Variants in PDE8A observed in about 807,000 individuals in gnomAD.
PDE8A encodes high affinity cAMP-specific and IBMX-insensitive 3',5'-cyclic phosphodiesterase 8A.
Under a neutral mutation model 105.0 loss-of-function variants are expected in PDE8A, and 59 were observed. That is an observed-to-expected ratio of 0.56 (90% CI 0.46 to 0.70). The LOEUF is 0.70. PDE8A is among the 30% of genes least tolerant of loss of function. The pLI is 0.00. For synonymous variants in PDE8A, 355 were observed against 371.9 expected (o/e 0.95, Z 0.52); for missense variants, 1,014 against 1,045.9 (o/e 0.97, Z 0.42).
At chr15:85,028,396 G>T (rs984257114) in intron 1 of PDE8A, among the ~76,000 whole-genome samples, 2 of 151,922 alleles carry the variant, frequency 1.3e-5, no homozygotes, top group Non-Finnish European at 2.9e-5. Context: ...TTTATTTTTT[G>T]TAGAGACAAG....
intron 2 of PDE8A, among the ~76,000 whole-genome samples, chr15:85,064,946 T>C (rs1386960672): frequency 1.3e-5 from 2 of 152,058 alleles, no homozygotes; most frequent in African/African-American, 2.4e-5. Flanking sequence ...CACTGCAGCC[T>C]GGGCAACAGA....
At chr15:85,061,255 A>C (rs1349114561) in intron 1 of PDE8A, among the ~76,000 whole-genome samples, 1 of 151,064 alleles carries the variant, frequency 6.6e-6, no homozygotes, top group Non-Finnish European at 1.5e-5. Context: ...TTTTTTTGAG[A>C]TGGCATCTTG....
At chr15:85,053,387 A>G (rs575405355) in intron 1 of PDE8A, among the ~76,000 whole-genome samples, 2 of 152,204 alleles carry the variant, frequency 1.3e-5, no homozygotes, top group Non-Finnish European at 2.9e-5. Context: ...TGGAGATGGC[A>G]TTTAATCTAT....
At chr15:85,009,403 A>G (rs977909098) in intron 1 of PDE8A, among the ~76,000 whole-genome samples, 5 of 152,234 alleles carry the variant, frequency 3.3e-5, no homozygotes, top group Non-Finnish European at 7.3e-5. Flanking sequence ...ATTGTTTTCT[A>G]TGACCTAGAA....
At chr15:85,083,458 A>G (rs1371525727) in intron 5 of PDE8A, 98 bp from the exon 6 acceptor site, 3 of 690,470 alleles carry the variant, frequency 4.3e-6, no homozygotes, top group Non-Finnish European at 5.2e-6. Flanking sequence ...TTTAGATTTC[A>G]GTTGCCAAGT....
chr15:84,999,615 G>A (rs2080035699), intron 1 of PDE8A, among the ~76,000 whole-genome samples: 1 of 149,958 alleles, frequency 6.7e-6, no homozygotes, highest in South Asian at 2.1e-4. Context: ...TCGCTCTGTC[G>A]CCAGGCTGGA....
intron 1 of PDE8A, among the ~76,000 whole-genome samples, chr15:85,053,197 A>G (rs999402837): frequency 6.6e-6 from 1 of 152,198 alleles, no homozygotes; most frequent in South Asian, 2.1e-4. Context: ...TTTTGGTACC[A>G]GTACCATGCT....
intron 1 of PDE8A, among the ~76,000 whole-genome samples, chr15:84,986,722 C>T (rs927146632): frequency 1.3e-5 from 2 of 152,056 alleles, no homozygotes; most frequent in African/African-American, 4.8e-5. Flanking sequence ...AGTGATCCCC[C>T]CACCTCAGCC....
At chr15:85,032,204 C>G (rs776527556) in intron 1 of PDE8A, among the ~76,000 whole-genome samples, 12 of 152,186 alleles carry the variant, frequency 7.9e-5, no homozygotes, top group Non-Finnish European at 1.3e-4. Flanking sequence ...AGACAGTAGA[C>G]AATTTGCACA....
In PDE8A at chr15:84,996,146, T is replaced by A. The variant is rs1470167989; in HGVS notation, c.186+13798T>A. Among the ~76,000 whole-genome samples, 3 of 151,886 alleles carry A rather than the reference T, an allele frequency of 2.0e-5. No individual in the cohort carries two copies. In the South Asian group the frequency reaches 6.2e-4, roughly 31 times the overall value. Reference sequence around the variant, plus strand: ...CATTGCAAATTTTTTTCCTCAAGTATCTTTTTCTTTTTTTTAGATAGTGTT... The same window carrying A: ...CATTGCAAATTTTTTTCCTCAAGTAACTTTTTCTTTTTTTTAGATAGTGTT... On this transcript the variant is annotated intron_variant, in intron 1 of 21. Transcript: ENST00000394553.
chr15:85,090,694 C>A, intron 7 of PDE8A: 1 of 413,356 alleles, frequency 2.4e-6, no homozygotes, highest in South Asian at 1.7e-5. Context: ...CATCATCCCC[C>A]CACCCCCACC....
chr15:85,106,709 C>T (rs529351663), intron 11 of PDE8A, among the ~76,000 whole-genome samples: 2 of 152,190 alleles, frequency 1.3e-5, no homozygotes, highest in South Asian at 4.2e-4. Flanking sequence ...GAAGGCGGAG[C>T]AGTTGTGCTG....
At chr15:85,003,673 T>C (rs1310532142) in intron 1 of PDE8A, among the ~76,000 whole-genome samples, 3 of 152,222 alleles carry the variant, frequency 2.0e-5, no homozygotes, top group Non-Finnish European at 2.9e-5. Context: ...AGAGAACTTT[T>C]CCACTTACTC....
intron 20 of PDE8A, among the ~76,000 whole-genome samples, chr15:85,126,842 A>G (rs137979344): frequency 2.0e-5 from 3 of 152,308 alleles, no homozygotes; most frequent in African/African-American, 7.2e-5. Flanking sequence ...AAATCTTGCA[A>G]TCAGCCAGAG....
chr15:85,069,849 G>C (rs2081285944), intron 3 of PDE8A, among the ~76,000 whole-genome samples: 1 of 152,124 alleles, frequency 6.6e-6, no homozygotes, highest in Non-Finnish European at 1.5e-5. Flanking sequence ...CATCTTGTTG[G>C]GTGAGGATTT....
At chr15:85,131,713 A>G (rs1048462780) in intron 20 of PDE8A, among the ~76,000 whole-genome samples, 4 of 152,188 alleles carry the variant, frequency 2.6e-5, no homozygotes, top group African/African-American at 9.7e-5. Flanking sequence ...TCTTTATATC[A>G]AGTTACTGTC....
At chr15:85,108,548 GA>G (rs2081977758) in intron 11 of PDE8A, among the ~76,000 whole-genome samples, 1 of 152,176 alleles carries the variant, frequency 6.6e-6, no homozygotes, top group Admixed American at 6.5e-5. Flanking sequence ...TCGTAGAGAA[GA>G]GGGGGTGAAA....
At chr15:84,997,776 G>A (rs2080003636) in intron 1 of PDE8A, among the ~76,000 whole-genome samples, 1 of 151,990 alleles carries the variant, frequency 6.6e-6, no homozygotes, top group Non-Finnish European at 1.5e-5. Context: ...TGTGTTTTTA[G>A]TAGAGACGGG....
At position 85,082,551 on chromosome 15, in the gene PDE8A, A is replaced by G. The variant is rs547432426; in HGVS notation, c.547-1005A>G. 4.0e-5 allele frequency among the ~76,000 whole-genome samples: 6 copies of G among 151,794 alleles called. No homozygotes were observed. In the East Asian group the frequency reaches 5.9e-4, roughly 15 times the overall value. On this transcript the variant is annotated intron_variant, in intron 5 of 21. Coordinates refer to ENST00000394553, the MANE Select transcript of PDE8A (RefSeq NM_002605.3). Reference sequence around the variant, plus strand: ...TTAGGTTGCTTGACACCCAGACAAGACCCTGATCACAGTTCAGACGGGTCA... The same window carrying G: ...TTAGGTTGCTTGACACCCAGACAAGGCCCTGATCACAGTTCAGACGGGTCA...
Sources: gnomAD v4.1 joint callset for allele counts (sites outside exome capture counted in the v4.1 genomes callset) on GRCh38, gnomAD v4.1.1 for gene constraint, MANE v1.5 for transcripts, NCBI Gene and HGNC (gene_info 2026-07-23, HGNC 2026-07-21) for gene names.